TENM4: variants seen among roughly 807,000 people sequenced by gnomAD.
TENM4 encodes the protein teneurin transmembrane protein 4.
Under a neutral mutation model 243.3 loss-of-function variants are expected in TENM4, and 82 were observed. That is an observed-to-expected ratio of 0.34 (90% CI 0.28 to 0.40). TENM4 has a LOEUF of 0.40. TENM4 is among the 10% of genes least tolerant of loss of function. The probability of loss-of-function intolerance (pLI) is 1.00; values close to 1 mark genes in which losing one functional copy is unlikely to be tolerated. For synonymous variants in TENM4, 1,412 were observed against 1,456.3 expected (o/e 0.97, Z 0.69); for missense variants, 3,138 against 3,673.3 (o/e 0.85, Z 3.77).
At chr11:79,229,185 G>T (rs1864330438) in intron 2 of TENM4, among the ~76,000 whole-genome samples, 1 of 152,196 alleles carries the variant, frequency 6.6e-6, no homozygotes, top group African/African-American at 2.4e-5. Flanking sequence ...GGTTGCAAAA[G>T]CCATGACTGT....
intron 12 of TENM4, among the ~76,000 whole-genome samples, chr11:78,829,063 C>G (rs1293277978): frequency 6.6e-6 from 1 of 152,222 alleles, no homozygotes; most frequent in Non-Finnish European, 1.5e-5. Flanking sequence ...TAGATGAAGA[C>G]AGCCTGAGGG....
In TENM4 at chr11:78,722,658, C is replaced by A; in HGVS notation, c.3800+10G>T. The stretch of plus-strand genomic sequence containing the variant: ...ATTAGGAACTATGAAGAAAGCATCA[C>A]CTTACATACCTCAGCTCTAGGATGT... On this transcript the variant is annotated intron_variant, in intron 24 of 33. Transcript: ENST00000278550. 1 of 1,609,570 alleles carries A rather than the reference C, an allele frequency of 6.2e-7. No homozygotes were observed. Among genetic ancestry groups the A allele is most frequent in the East Asian group, 2.2e-5 (1 of 44,752 alleles).
intron 3 of TENM4, among the ~76,000 whole-genome samples, chr11:79,200,978 T>C (rs1320044486): frequency 6.6e-6 from 1 of 152,224 alleles, no homozygotes; most frequent in Non-Finnish European, 1.5e-5. Context: ...ATTATAATTA[T>C]GCCCCACACA....
chr11:78,783,640 CAA>C (rs1029569817), intron 16 of TENM4, among the ~76,000 whole-genome samples: 3 of 152,152 alleles, frequency 2.0e-5, no homozygotes, highest in South Asian at 2.1e-4. Flanking sequence ...CTTCAAGATG[CAA>C]AGAGACAGGT....
intron 6 of TENM4, among the ~76,000 whole-genome samples, chr11:78,923,531 G>GTTTTTA (rs775401993): frequency 5.9e-5 from 9 of 151,810 alleles, no homozygotes; most frequent in African/African-American, 9.7e-5. Context: ...ATTGTTATTT[G>GTTTTTA]TTTTTATTTT....
intron 9 of TENM4, among the ~76,000 whole-genome samples, chr11:78,872,581 A>C (rs1859162676): frequency 6.6e-6 from 1 of 152,146 alleles, no homozygotes; most frequent in Non-Finnish European, 1.5e-5. Context: ...TGTCTATATA[A>C]AGGTGTTCCA....
Position 78,805,281 on chromosome 11 carries a change from C to CACCCGCCA in TENM4, c.2179+10_2179+11insTGGCGGGT. 2.0e-6 allele frequency: 3 copies of CACCCGCCA among 1,488,492 alleles called. No homozygotes were observed. The highest frequency in any genetic ancestry group is 1.4e-5 in the African/African-American group (1 of 70,242). 92.2% of individuals were successfully genotyped at this position (1,488,492 alleles called of 1,614,324 possible). A position where few individuals can be genotyped will look rare whatever the true frequency, so the allele number is the denominator to read the frequency against. On this transcript the variant is annotated intron_variant, in intron 15 of 33. Transcript: ENST00000278550. ...TCCCTCTACCCATGCTTCTTCTCCCCCTGCATTTACCGATAGAACAGTCGT... is the reference window on the plus strand; with the variant it reads ...TCCCTCTACCCATGCTTCTTCTCCCCACCCGCCACTGCATTTACCGATAGAACAGTCGT...
chr11:78,887,278 A>G (rs1207644400), intron 9 of TENM4, among the ~76,000 whole-genome samples: 1 of 152,200 alleles, frequency 6.6e-6, no homozygotes, highest in Non-Finnish European at 1.5e-5. Context: ...CCCTTTCTGT[A>G]TGTCTACTTC....
At chr11:78,722,635 T>C (rs749259194) in intron 24 of TENM4, 33 bp downstream of exon 24, 5 of 1,598,670 alleles carry the variant, frequency 3.1e-6, no homozygotes, top group South Asian at 1.1e-5. Flanking sequence ...GGCATATTAT[T>C]AGGAACTATG....
chr11:79,101,205 T>C (rs1479594446), intron 4 of TENM4, among the ~76,000 whole-genome samples: 1 of 152,190 alleles, frequency 6.6e-6, no homozygotes, highest in Non-Finnish European at 1.5e-5. Flanking sequence ...ATATTTGTTA[T>C]AAACACTCTC....
chr11:78,974,403 G>A (rs1857606549), intron 6 of TENM4, among the ~76,000 whole-genome samples: 2 of 152,218 alleles, frequency 1.3e-5, no homozygotes, highest in Admixed American at 6.5e-5. Flanking sequence ...GGCTAGGAGA[G>A]GTGATATGAC....
intron 4 of TENM4, among the ~76,000 whole-genome samples, chr11:79,143,357 T>G (rs1218615594): frequency 6.6e-6 from 1 of 152,082 alleles, no homozygotes; most frequent in East Asian, 1.9e-4. Flanking sequence ...TAAAAAATGA[T>G]GAGTTCATGT....
intron 7 of TENM4, among the ~76,000 whole-genome samples, chr11:78,902,433 A>G (rs1855949403): frequency 6.6e-6 from 1 of 152,212 alleles, no homozygotes; most frequent in African/African-American, 2.4e-5. Context: ...AGCTGGAAGA[A>G]GGAACAGGGC....
At chr11:79,314,713 G>A (rs1286663777) in intron 1 of TENM4, among the ~76,000 whole-genome samples, 3 of 152,244 alleles carry the variant, frequency 2.0e-5, no homozygotes, top group African/African-American at 7.2e-5. Context: ...GGAGGAGGAA[G>A]AGGAAAAGGG....
At chr11:79,010,000 T>G (rs779562425) in intron 6 of TENM4, among the ~76,000 whole-genome samples, 4 of 152,188 alleles carry the variant, frequency 2.6e-5, no homozygotes, top group Non-Finnish European at 5.9e-5. Context: ...AGAGTTCCCC[T>G]GCACATGCCC....
intron 1 of TENM4, among the ~76,000 whole-genome samples, chr11:79,378,354 C>T (rs150749520): frequency 1.8e-4 from 28 of 152,268 alleles, no homozygotes; most frequent in Non-Finnish European, 2.9e-4. Context: ...GTGGGGATCA[C>T]GCTCCTGACA....
At chr11:78,789,691 G>T (rs986182673) in intron 15 of TENM4, among the ~76,000 whole-genome samples, 1 of 152,156 alleles carries the variant, frequency 6.6e-6, no homozygotes, top group East Asian at 1.9e-4. Flanking sequence ...GGAGAGGGGC[G>T]GGCTGCTGGG....
At chr11:79,021,678 GA>G in intron 6 of TENM4, 1 of 152,500 alleles carries the variant, frequency 6.6e-6, no homozygotes. Context: ...TGGCTGTACT[GA>G]AATGGTCATA....
intron 9 of TENM4, among the ~76,000 whole-genome samples, chr11:78,878,166 C>T (rs946378959): frequency 1.3e-5 from 2 of 152,148 alleles, no homozygotes; most frequent in East Asian, 1.9e-4. Context: ...TTTTCTTTCT[C>T]CCCTCTCCAT....
Sources: gnomAD v4.1 joint callset for allele counts (sites outside exome capture counted in the v4.1 genomes callset) on GRCh38, gnomAD v4.1.1 for gene constraint, MANE v1.5 for transcripts, NCBI Gene and HGNC (gene_info 2026-07-23, HGNC 2026-07-21) for gene names.